Variants in EYS observed in about 807,000 individuals in gnomAD.
The protein encoded by EYS is protein eyes shut homolog.
Under a neutral mutation model 282.1 loss-of-function variants are expected in EYS, and 250 were observed. The ratio of observed to expected loss-of-function variants is 0.89; its 90% CI spans 0.80 to 0.98. The LOEUF is 0.98. Among genes scored for constraint, EYS ranks in the 50% least tolerant of loss-of-function variants. EYS has a pLI of 0.00. For synonymous variants in EYS, 1,355 were observed against 1,282.9 expected, an observed-to-expected ratio of 1.06 and a Z score of -1.20; for missense variants, 4,016 against 3,709.0, an observed-to-expected ratio of 1.08 and a Z score of -2.15.
chr6:63,833,558 G>A (rs952722137), intron 36 of EYS, among the ~76,000 whole-genome samples: 2 of 152,164 alleles, frequency 1.3e-5, no homozygotes, highest in African/African-American at 2.4e-5. Context: ...CAAAACAAAA[G>A]AGGACACAAA....
chr6:64,520,038 T>C (rs371030057), intron 26 of EYS, among the ~76,000 whole-genome samples: 7 of 151,748 alleles, frequency 4.6e-5, no homozygotes, highest in African/African-American at 1.2e-4. Context: ...CTGGACCCAA[T>C]AGGAAACTCT....
intron 29 of EYS, among the ~76,000 whole-genome samples, chr6:64,329,877 G>C (rs1026631286): frequency 1.3e-5 from 2 of 152,046 alleles, no homozygotes; most frequent in Non-Finnish European, 1.5e-5. Context: ...TCCTGCTGAT[G>C]GTGCTTGGTT....
Position 65,684,437 on chromosome 6 carries a change from G to A in EYS, c.-448+22698C>T, listed in dbSNP as rs539037873. The stretch of plus-strand genomic sequence containing the variant: ...GGGAGCACGTTCAAAAGAATGTAGA[G>A]AGGACACCCGCCAGCACCTTCTTTC... On this transcript the variant is annotated intron_variant, in intron 1 of 42. Coordinates refer to ENST00000503581, the MANE Select transcript of EYS (RefSeq NM_001142800.2). Among the ~76,000 whole-genome samples the A allele has an allele frequency of 1.3e-3, 204 of 152,146 alleles. 1 individual carries two copies. Among genetic ancestry groups the A allele is most frequent in the African/African-American group, 4.6e-3 (192 of 41,564 alleles).
intron 12 of EYS, among the ~76,000 whole-genome samples, chr6:65,251,874 C>T (rs1767333880): frequency 1.3e-5 from 2 of 151,900 alleles, no homozygotes; most frequent in African/African-American, 4.8e-5. Context: ...TGTGCCACAT[C>T]CCTTTTTTTG....
chr6:65,346,186 T>C (rs1013409567), intron 9 of EYS, among the ~76,000 whole-genome samples: 126 of 151,838 alleles, frequency 8.3e-4, no homozygotes, highest in African/African-American at 3.0e-3. Context: ...CCAGTCATCA[T>C]GGCCCATCCT....
At chr6:65,331,767 T>C (rs979429652) in intron 11 of EYS, 13 of 969,482 alleles carry the variant, frequency 1.3e-5, no homozygotes, top group Non-Finnish European at 1.6e-5. Flanking sequence ...GTGTCTTTTG[T>C]GGCTTACTAC....
intron 12 of EYS, among the ~76,000 whole-genome samples, chr6:65,230,637 T>C (rs150700729): frequency 6.6e-6 from 1 of 151,942 alleles, no homozygotes; most frequent in East Asian, 1.9e-4. Flanking sequence ...ATTTGAACAA[T>C]GGGCCTATCT....
At chr6:64,367,154 T>C (rs970234544) in intron 29 of EYS, among the ~76,000 whole-genome samples, 3 of 152,036 alleles carry the variant, frequency 2.0e-5, no homozygotes, top group Admixed American at 2.0e-4. Flanking sequence ...AGATTTAAGG[T>C]GGCATTTCCT....
At chr6:64,390,672 G>GA (rs577788721) in intron 28 of EYS, among the ~76,000 whole-genome samples, 4,916 of 149,946 alleles carry the variant, frequency 0.033, 248 homozygotes, top group African/African-American at 0.12. Context: ...CAAAGATGGG[G>GA]AAAAAACAGA....
intron 19 of EYS, among the ~76,000 whole-genome samples, chr6:64,836,313 C>A (rs1188829600): frequency 6.7e-6 from 1 of 150,228 alleles, no homozygotes; most frequent in Non-Finnish European, 1.5e-5. Context: ...TATATATACA[C>A]ACTATAAATA....
chr6:64,165,425 TTC>T (rs1764260704), intron 31 of EYS, among the ~76,000 whole-genome samples: 2 of 152,114 alleles, frequency 1.3e-5, no homozygotes, highest in African/African-American at 4.8e-5. Flanking sequence ...CCTTAAACTG[TTC>T]TTTCTTAAAA....
intron 40 of EYS, among the ~76,000 whole-genome samples, chr6:63,771,448 T>A (rs1196945878): frequency 6.6e-6 from 1 of 152,120 alleles, no homozygotes; most frequent in Non-Finnish European, 1.5e-5. Context: ...CCTGCACCAA[T>A]CTAAACAATC....
At chr6:65,053,544 C>T (rs1013921186) in intron 13 of EYS, among the ~76,000 whole-genome samples, 8 of 151,740 alleles carry the variant, frequency 5.3e-5, no homozygotes, top group African/African-American at 1.7e-4. Context: ...ATAGACAAAA[C>T]TTGGACTATA....
intron 31 of EYS, among the ~76,000 whole-genome samples, chr6:64,120,742 T>G (rs1326180467): frequency 6.6e-6 from 1 of 152,166 alleles, no homozygotes; most frequent in Non-Finnish European, 1.5e-5. Flanking sequence ...TATTATTATA[T>G]TTAGTTATAT....
intron 22 of EYS, among the ~76,000 whole-genome samples, chr6:64,797,381 T>A (rs2150005139): frequency 6.6e-6 from 1 of 152,232 alleles, no homozygotes; most frequent in South Asian, 2.1e-4. Flanking sequence ...AGACACTTTA[T>A]GCCTGAACAG....
chr6:65,096,859 A>G (rs1450713067), intron 12 of EYS, among the ~76,000 whole-genome samples: 1 of 151,100 alleles, frequency 6.6e-6, no homozygotes, highest in African/African-American at 2.4e-5. Context: ...AAATTGGGTG[A>G]AAAACTTCAG....
chr6:65,180,759 A>T (rs1021287712), intron 12 of EYS, among the ~76,000 whole-genome samples: 1 of 152,176 alleles, frequency 6.6e-6, no homozygotes, highest in African/African-American at 2.4e-5. Context: ...GTCAATCCTA[A>T]GCCAAAAGAA....
intron 19 of EYS, among the ~76,000 whole-genome samples, chr6:64,855,109 GT>G (rs1766013936): frequency 6.6e-6 from 1 of 151,830 alleles, no homozygotes; most frequent in Admixed American, 6.6e-5. Context: ...GTTTGCATCA[GT>G]TTTACTATTT....
chr6:65,586,515 A>G lies in EYS; in HGVS notation c.-333+53263T>C, dbSNP rs574030716. The stretch of plus-strand genomic sequence containing the variant: ...ACATACCTGCATTTGTTTCTTGTCA[A>G]GTTCACCATTAGAGACAAAACTGAT... On this transcript the variant is annotated intron_variant, in intron 2 of 42. Coordinates refer to ENST00000503581, the MANE Select transcript of EYS (RefSeq NM_001142800.2). 1.4e-4 allele frequency among the ~76,000 whole-genome samples: 21 copies of G among 152,194 alleles called. No individual in the cohort carries two copies. The East Asian group carries it at 3.7e-3, about 27-fold the overall frequency.
Sources: allele counts gnomAD v4.1 joint callset (sites outside exome capture counted in the v4.1 genomes callset), GRCh38; gene constraint gnomAD v4.1.1; transcripts MANE v1.5; gene names NCBI Gene and HGNC (gene_info 2026-07-23, HGNC 2026-07-21).